Variants in CDH18 observed in about 807,000 individuals in gnomAD.
The protein encoded by CDH18 is cadherin-18.
Under a neutral mutation model 67.9 loss-of-function variants are expected in CDH18, and 31 were observed. The observed-to-expected ratio is 0.46, with a 90% confidence interval of 0.34 to 0.62. The LOEUF (loss-of-function observed/expected upper bound fraction) is 0.62. Among genes scored for constraint, CDH18 ranks in the 20% least tolerant of loss-of-function variants. CDH18 has a pLI of 0.01. For synonymous variants in CDH18, 362 were observed against 347.2 expected, an observed-to-expected ratio of 1.04 and a Z score of -0.48; for missense variants, 890 against 975.5, an observed-to-expected ratio of 0.91 and a Z score of 1.17.
chr5:20,271,509 T>C (rs746998350), intron 1 of CDH18, among the ~76,000 whole-genome samples: 83 of 152,108 alleles, frequency 5.5e-4, no homozygotes, highest in Non-Finnish European at 9.6e-4. Flanking sequence ...ACACAATCTA[T>C]ATATGTATCG....
chr5:20,328,948 G>C (rs1738892246), intron 1 of CDH18, among the ~76,000 whole-genome samples: 1 of 119,272 alleles, frequency 8.4e-6, no homozygotes, highest in Non-Finnish European at 2.1e-5. Context: ...TTGCACTTCA[G>C]CTCCCCTGGG....
intron 3 of CDH18, among the ~76,000 whole-genome samples, chr5:19,820,504 C>G (rs550790743): frequency 6.6e-6 from 1 of 152,320 alleles, no homozygotes; most frequent in African/African-American, 2.4e-5. Context: ...CATTAACAGA[C>G]CACTTGTAGA....
At chr5:19,761,590 G>A (rs1156288524) in intron 3 of CDH18, among the ~76,000 whole-genome samples, 1 of 151,884 alleles carries the variant, frequency 6.6e-6, no homozygotes. Flanking sequence ...CAAAATAAAA[G>A]AGGACACAAA....
In CDH18 at chr5:19,913,904, G is replaced by A. The variant is rs1382069151; in HGVS notation, c.-257+67156C>T. ...CAGTATCACAGGGATGAGAAATAAAGCAAAACTACCTTCATGTGCAGTGGA... is the reference window on the plus strand; with the variant it reads ...CAGTATCACAGGGATGAGAAATAAAACAAAACTACCTTCATGTGCAGTGGA... On this transcript the variant is annotated intron_variant, in intron 2 of 12. Coordinates refer to ENST00000382275, the MANE Select transcript of CDH18 (RefSeq NM_004934.5). Among the ~76,000 whole-genome samples, 3 of 152,058 alleles carry A rather than the reference G, an allele frequency of 2.0e-5. No individual in the cohort carries two copies. The East Asian group carries it at 5.8e-4, about 29-fold the overall frequency.
At chr5:20,228,604 G>C (rs867471195) in intron 2 of CDH18, among the ~76,000 whole-genome samples, 4 of 152,056 alleles carry the variant, frequency 2.6e-5, no homozygotes, top group Middle Eastern at 3.4e-3. Flanking sequence ...TGTGTTCTAT[G>C]ACCAACATCT....
chr5:20,241,850 G>A (rs1443897428), intron 2 of CDH18, among the ~76,000 whole-genome samples: 4 of 58,496 alleles, frequency 6.8e-5, no homozygotes, highest in African/African-American at 1.2e-4. Flanking sequence ...AGACCCTGTC[G>A]CAAAAAAAAA....
At chr5:19,868,194 G>T (rs1241279748) in intron 2 of CDH18, among the ~76,000 whole-genome samples, 2 of 152,098 alleles carry the variant, frequency 1.3e-5, no homozygotes, top group African/African-American at 4.8e-5. Flanking sequence ...AATAATATTA[G>T]TATGTGTTAG....
intron 2 of CDH18, among the ~76,000 whole-genome samples, chr5:19,841,711 C>A (rs1483261905): frequency 6.6e-6 from 1 of 152,052 alleles, no homozygotes; most frequent in Non-Finnish European, 1.5e-5. Flanking sequence ...GCCCTTCATG[C>A]TAAGTTGTTT....
chr5:19,598,454 A>T (rs1158430117), intron 6 of CDH18, among the ~76,000 whole-genome samples: 2 of 152,140 alleles, frequency 1.3e-5, no homozygotes, highest in African/African-American at 4.8e-5. Context: ...GAAAATTTAA[A>T]ATGTAGAACA....
intron 2 of CDH18, among the ~76,000 whole-genome samples, chr5:19,994,430 A>G (rs1469922711): frequency 6.6e-6 from 1 of 151,024 alleles, no homozygotes; most frequent in African/African-American, 2.4e-5. Flanking sequence ...ATTGAACATT[A>G]ATGTCATCCC....
chr5:20,247,536 T>G (rs1320069744), intron 2 of CDH18, among the ~76,000 whole-genome samples: 1 of 151,618 alleles, frequency 6.6e-6, no homozygotes, highest in Non-Finnish European at 1.5e-5. Flanking sequence ...GAGGGCGAAA[T>G]GGGTGGATAA....
intron 2 of CDH18, among the ~76,000 whole-genome samples, chr5:19,947,017 T>C (rs1182173246): frequency 6.6e-6 from 1 of 152,058 alleles, no homozygotes; most frequent in Non-Finnish European, 1.5e-5. Context: ...GAAAAAGCAT[T>C]CAATAAAATC....
At chr5:19,963,403 C>T (rs1317833460) in intron 2 of CDH18, among the ~76,000 whole-genome samples, 3 of 152,072 alleles carry the variant, frequency 2.0e-5, no homozygotes, top group African/African-American at 7.3e-5. Flanking sequence ...CAAATCTCAT[C>T]TTGAATTGCA....
At chr5:20,410,836 A>C (rs1253812536) in intron 1 of CDH18, among the ~76,000 whole-genome samples, 2 of 151,920 alleles carry the variant, frequency 1.3e-5, no homozygotes, top group Non-Finnish European at 2.9e-5. Flanking sequence ...AAAGGAAATT[A>C]GAAAATATCA....
At chr5:19,564,778 G>A (rs908232168) in intron 8 of CDH18, among the ~76,000 whole-genome samples, 1 of 152,116 alleles carries the variant, frequency 6.6e-6, no homozygotes, top group Non-Finnish European at 1.5e-5. Context: ...GATTCCAGGC[G>A]TTGGCTCAGA....
chr5:19,496,666 G>A (rs1054803612), intron 11 of CDH18, among the ~76,000 whole-genome samples: 7 of 152,070 alleles, frequency 4.6e-5, no homozygotes, highest in African/African-American at 1.7e-4. Context: ...ACAAAAATTA[G>A]CCAGGTGTGG....
intron 2 of CDH18, among the ~76,000 whole-genome samples, chr5:20,198,949 A>C (rs1227620801): frequency 6.6e-6 from 1 of 152,244 alleles, no homozygotes; most frequent in Non-Finnish European, 1.5e-5. Flanking sequence ...ACAGAAGACA[A>C]TAATTGAGGT....
chr5:19,684,284 T>C (rs904411374), intron 5 of CDH18, among the ~76,000 whole-genome samples: 6 of 151,864 alleles, frequency 4.0e-5, no homozygotes, highest in Non-Finnish European at 1.5e-5. Context: ...TATATGATCT[T>C]ATTTAAAAAT....
intron 12 of CDH18, among the ~76,000 whole-genome samples, chr5:19,478,148 T>A (rs190088278): frequency 6.6e-6 from 1 of 152,196 alleles, no homozygotes; most frequent in East Asian, 1.9e-4. Flanking sequence ...CTATATATTA[T>A]GTATCATTCC....
Sources: gnomAD v4.1 joint callset for allele counts (sites outside exome capture counted in the v4.1 genomes callset) on GRCh38, gnomAD v4.1.1 for gene constraint, MANE v1.5 for transcripts, NCBI Gene and HGNC (gene_info 2026-07-23, HGNC 2026-07-21) for gene names.